The following TCF12 variants were observed in gnomAD, a reference collection of about 807,000 sequenced individuals.
TCF12 encodes transcription factor 12, also known as DNA-binding protein HTF4.
Under a neutral mutation model 86.0 loss-of-function variants are expected in TCF12, and 45 were observed. The ratio of observed to expected loss-of-function variants is 0.52; its 90% CI spans 0.41 to 0.67. The LOEUF is 0.67. Among genes scored for constraint, TCF12 ranks in the 30% least tolerant of loss-of-function variants. The pLI is 0.00. For missense variants in TCF12, 881 were observed against 859.9 expected (o/e 1.02, Z -0.31); for synonymous variants, 330 against 299.6 (o/e 1.10, Z -1.05).
In TCF12 at chr15:57,287,544, T is replaced by A. The variant is rs1399660034; in HGVS notation, c.*1399T>A. The A allele has an allele frequency of 6.6e-6, 1 of 152,622 alleles. No individual in the cohort carries two copies. The highest frequency in any genetic ancestry group is 2.4e-5 in the African/African-American group (1 of 41,424). The allele number at this position is 152,622 out of a possible 1,614,324, so 9.5% of individuals were successfully genotyped here. A position where few individuals can be genotyped will look rare whatever the true frequency, so the allele number is the denominator to read the frequency against. On this transcript the variant is annotated 3_prime_UTR_variant, in exon 21 of 21. Coordinates refer to ENST00000333725, the MANE Select transcript of TCF12 (RefSeq NM_207037.2). ...TTAGGAGTTGTTTTAAAAGACATAATCACTTTGAACTTCCATGAAACCTGT... is the reference window on the plus strand; with the variant it reads ...TTAGGAGTTGTTTTAAAAGACATAAACACTTTGAACTTCCATGAAACCTGT...
rs530320912 is a variant in TCF12, at chr15:57,119,417, C to T, written c.325+27526C>T. 3.3e-5 allele frequency among the ~76,000 whole-genome samples: 5 copies of T among 150,062 alleles called. No homozygotes were observed. The East Asian group carries it at 9.7e-4, about 29-fold the overall frequency. ...ATCCTCTCCGCTCAGCCTTCCAAAC[C>T]GCTGGAATTATAGGCATGAGCCACC... On this transcript the variant is annotated intron_variant, in intron 5 of 20. Coordinates refer to ENST00000333725, the MANE Select transcript of TCF12 (RefSeq NM_207037.2).
intron 3 of TCF12, among the ~76,000 whole-genome samples, chr15:57,037,118 G>T (rs1010572871): frequency 6.6e-6 from 1 of 152,118 alleles, no homozygotes; most frequent in Non-Finnish European, 1.5e-5. Context: ...GAAAATTAAG[G>T]TGGTTTGAAA....
intron 5 of TCF12, among the ~76,000 whole-genome samples, chr15:57,139,169 C>G (rs2052772075): frequency 6.6e-6 from 1 of 152,128 alleles, no homozygotes; most frequent in South Asian, 2.1e-4. Flanking sequence ...CTTGACTTCT[C>G]TTTTTCTAGT....
rs776619342 is a variant in TCF12, at chr15:57,282,604, T to A, written c.*11+6T>A. 1.1e-5 allele frequency: 17 copies of A among 1,604,284 alleles called. No individual in the cohort carries two copies. In the East Asian group the frequency reaches 3.8e-4, roughly 36 times the overall value. ...CATATGTAAACATCAGCCAGGTAAG[T>A]ACGGGTTTGAAAAGAAACAGCAAGG... On this transcript the variant is annotated splice_donor_region_variant and intron_variant, in intron 20 of 20. Coordinates refer to ENST00000333725, the MANE Select transcript of TCF12 (RefSeq NM_207037.2).
At position 57,234,118 on chromosome 15, in the gene TCF12, A is replaced by G; in HGVS notation, c.1035+11A>G. 1 of 1,609,056 alleles carries G rather than the reference A, an allele frequency of 6.2e-7. No homozygotes were observed. The highest frequency in any genetic ancestry group is 8.5e-7 in the Non-Finnish European group (1 of 1,175,610). On this transcript the variant is annotated intron_variant, in intron 12 of 20. Coordinates refer to ENST00000333725, the MANE Select transcript of TCF12 (RefSeq NM_207037.2). ...AAGGCTTTGGCATCTGTGAGTATTG[A>G]TTTTACACATTCTACTGAATGAATT...
intron 13 of TCF12, among the ~76,000 whole-genome samples, chr15:57,248,949 C>T (rs1012207163): frequency 1.3e-5 from 2 of 152,084 alleles, no homozygotes; most frequent in East Asian, 1.9e-4. Context: ...GGCATTTGAA[C>T]GTAAAACGTG....
At chr15:57,100,933 T>C (rs368534680) in intron 5 of TCF12, among the ~76,000 whole-genome samples, 5 of 152,328 alleles carry the variant, frequency 3.3e-5, no homozygotes, top group Non-Finnish European at 7.3e-5. Context: ...TTCTGGTCTT[T>C]AGTTATATAG....
chr15:57,093,692 C>A (rs1051739019), intron 5 of TCF12, among the ~76,000 whole-genome samples: 2 of 152,116 alleles, frequency 1.3e-5, no homozygotes, highest in Non-Finnish European at 2.9e-5. Flanking sequence ...GGAGCAATTA[C>A]GAGCATGTGC....
At chr15:57,136,960 T>TG (rs1567495365) in intron 5 of TCF12, among the ~76,000 whole-genome samples, 2 of 4,650 alleles carry the variant, frequency 4.3e-4, no homozygotes, top group Non-Finnish European at 8.8e-4. Context: ...TTCTGGCAGT[T>TG]TTTTTTTTTG....
At chr15:56,936,704 C>T (rs1280762084) in intron 3 of TCF12, among the ~76,000 whole-genome samples, 1 of 152,118 alleles carries the variant, frequency 6.6e-6, no homozygotes, top group Non-Finnish European at 1.5e-5. Context: ...TGTGGTTTTC[C>T]AATTATCCCA....
At chr15:57,092,705 A>C (rs1216594306) in intron 5 of TCF12, among the ~76,000 whole-genome samples, 2 of 152,090 alleles carry the variant, frequency 1.3e-5, no homozygotes, top group Non-Finnish European at 2.9e-5. Context: ...GGCTGAAAAT[A>C]TTACAAAAAC....
At position 57,187,472 on chromosome 15, in the gene TCF12, T is replaced by A. The variant is rs980086427; in HGVS notation, c.391-4686T>A. Reference sequence around the variant, plus strand: ...TTAGAAGAATTATTGTCTTGGACAGTACATCAAATACACTAACACTATGAT... The same window carrying A: ...TTAGAAGAATTATTGTCTTGGACAGAACATCAAATACACTAACACTATGAT... On this transcript the variant is annotated intron_variant, in intron 6 of 20. Transcript: ENST00000333725. Among the ~76,000 whole-genome samples the A allele has an allele frequency of 2.0e-5, 3 of 152,206 alleles. No individual in the cohort carries two copies. The South Asian group carries it at 6.2e-4, about 32-fold the overall frequency.
chr15:56,948,763 A>G, intron 3 of TCF12, among the ~76,000 whole-genome samples: 1 of 152,350 alleles, frequency 6.6e-6, no homozygotes, highest in South Asian at 2.1e-4. Flanking sequence ...ATGTATTGCA[A>G]GCATTACTTG....
At chr15:57,051,160 G>A (rs72751027) in intron 3 of TCF12, among the ~76,000 whole-genome samples, 7,974 of 152,194 alleles carry the variant, frequency 0.052, 268 homozygotes, top group South Asian at 0.077. Context: ...TTATCTTGAG[G>A]CATGGTTTTA....
intron 5 of TCF12, among the ~76,000 whole-genome samples, chr15:57,110,377 G>A (rs902229859): frequency 1.3e-5 from 2 of 152,176 alleles, no homozygotes; most frequent in Non-Finnish European, 2.9e-5. Flanking sequence ...CACAGATAGT[G>A]TGAAACTGTG....
chr15:57,063,436 A>G (rs1308262685), intron 3 of TCF12, among the ~76,000 whole-genome samples: 1 of 152,186 alleles, frequency 6.6e-6, no homozygotes, highest in African/African-American at 2.4e-5. Flanking sequence ...TTGGGGGTTC[A>G]TCTACTCCTA....
intron 6 of TCF12, among the ~76,000 whole-genome samples, chr15:57,172,943 T>TA (rs2055622720): frequency 3.5e-5 from 5 of 142,310 alleles, no homozygotes; most frequent in African/African-American, 1.4e-4. Flanking sequence ...TCTATTAAAA[T>TA]TAAAAAAAAA....
intron 5 of TCF12, among the ~76,000 whole-genome samples, chr15:57,123,982 A>AAAAAAAAAAAAAAAAAAAAAAT (rs1555511574): frequency 9.0e-6 from 1 of 111,268 alleles, no homozygotes; most frequent in African/African-American, 3.0e-5. Flanking sequence ...AAAAAAAAAA[A>AAAAAAAAAAAAAAAAAAAAAAT]TTTTTTTTTT....
At chr15:57,269,442 A>G (rs572956147) in intron 18 of TCF12, among the ~76,000 whole-genome samples, 7 of 113,462 alleles carry the variant, frequency 6.2e-5, no homozygotes, top group South Asian at 2.9e-4. Flanking sequence ...TTTTGAGCCT[A>G]TGTGTATCTT....
Sources: allele counts gnomAD v4.1 joint callset (sites outside exome capture counted in the v4.1 genomes callset), GRCh38; gene constraint gnomAD v4.1.1; transcripts MANE v1.5; gene names NCBI Gene and HGNC (gene_info 2026-07-23, HGNC 2026-07-21).